PCNX1: variants seen among roughly 807,000 people sequenced by gnomAD.
PCNX1 encodes the protein pecanex 1.
PCNX1 carries 78 observed loss-of-function variants against 242.2 expected under a neutral mutation model. The ratio of observed to expected loss-of-function variants is 0.32; its 90% CI spans 0.27 to 0.39. The LOEUF is 0.39. Among genes scored for constraint, PCNX1 ranks in the 10% least tolerant of loss-of-function variants. The pLI is 1.00. For synonymous variants in PCNX1, 1,024 were observed against 1,032.9 expected (o/e 0.99, Z 0.17); for missense variants, 2,581 against 2,856.5 (o/e 0.90, Z 2.20).
chr14:71,005,721 T>C lies in PCNX1; in HGVS notation c.2630-3913T>C, dbSNP rs183612755. Among the ~76,000 whole-genome samples, 545 of 152,324 alleles carry C rather than the reference T, an allele frequency of 3.6e-3. 8 individuals carry two copies. The highest frequency in any genetic ancestry group is 5.0e-3 in the Non-Finnish European group (342 of 68,026). On this transcript the variant is annotated intron_variant, in intron 8 of 35. Transcript: ENST00000304743. The stretch of plus-strand genomic sequence containing the variant: ...TGCACCATTCATGGCTCTAGGCAAA[T>C]GCTTCAAGTATCCTTGGTGTTAAGT...
intron 8 of PCNX1, among the ~76,000 whole-genome samples, chr14:70,998,422 T>C (rs2059413414): frequency 6.6e-6 from 1 of 152,044 alleles, no homozygotes; most frequent in Non-Finnish European, 1.5e-5. Context: ...TCATGATTAA[T>C]TTTAGAATTT....
rs116622122 is a variant in PCNX1 at position 70,944,042 on chromosome 14, C to T, written c.154-2873C>T. 7.7e-3 allele frequency among the ~76,000 whole-genome samples: 1,179 copies of T among 152,286 alleles called. 8 individuals carry two copies. The highest frequency in any genetic ancestry group is 0.017 in the South Asian group (82 of 4,820). ...CAGAAGTCTGCTGCAGTGGTGGAGC[C>T]CTTATGGAAAACATCTGCTAGGGCA... is the stretch of plus-strand genomic sequence containing the variant. On this transcript the variant is annotated intron_variant, in intron 1 of 35. Transcript: ENST00000304743.
intron 19 of PCNX1, among the ~76,000 whole-genome samples, chr14:71,042,607 TAAA>T (rs553114288): frequency 6.7e-6 from 1 of 148,904 alleles, no homozygotes; most frequent in African/African-American, 2.5e-5. Flanking sequence ...TGGCTGTTTT[TAAA>T]AAAAAAAAAA....
intron 4 of PCNX1, 48 bp from the exon 5 acceptor site, chr14:70,968,973 G>A: frequency 9.5e-7 from 1 of 1,052,528 alleles, no homozygotes; most frequent in Non-Finnish European, 1.5e-6. Flanking sequence ...CCACCCTACA[G>A]CCTTACTGTT....
chr14:70,946,866 C>T (rs769239313), intron 1 of PCNX1, 49 bp from the exon 2 acceptor site: 76 of 1,193,116 alleles, frequency 6.4e-5, no homozygotes, highest in East Asian at 1.0e-4. Context: ...TAATTGAATA[C>T]GATATAAAAT....
intron 2 of PCNX1, among the ~76,000 whole-genome samples, chr14:70,954,918 T>TG (rs774770620): frequency 6.6e-6 from 1 of 152,332 alleles, no homozygotes; most frequent in Non-Finnish European, 1.5e-5. Context: ...CTCACACTTG[T>TG]GAATCTCATG....
intron 1 of PCNX1, among the ~76,000 whole-genome samples, chr14:70,935,760 T>C (rs572809523): frequency 6.6e-6 from 1 of 152,310 alleles, no homozygotes; most frequent in South Asian, 2.1e-4. Context: ...CATTTGAAAA[T>C]GGAATTGGCA....
chr14:70,972,920 C>T (rs1228796280), intron 5 of PCNX1, among the ~76,000 whole-genome samples: 1 of 151,984 alleles, frequency 6.6e-6, no homozygotes, highest in African/African-American at 2.4e-5. Flanking sequence ...GGATAGAAAA[C>T]TGGATAAGAT....
chr14:70,923,069 C>A (rs1594901876), intron 1 of PCNX1, among the ~76,000 whole-genome samples: 1 of 150,470 alleles, frequency 6.6e-6, no homozygotes, highest in Admixed American at 6.7e-5. Context: ...ATCATGAATT[C>A]TTTGAGTATC....
intron 30 of PCNX1, among the ~76,000 whole-genome samples, chr14:71,091,848 C>G (rs2062141659): frequency 6.6e-6 from 1 of 152,178 alleles, no homozygotes; most frequent in Non-Finnish European, 1.5e-5. Flanking sequence ...GTTGCTATTG[C>G]AGTGAGCTCA....
chr14:70,970,367 C>T (rs1025577850), intron 5 of PCNX1, among the ~76,000 whole-genome samples: 1 of 152,054 alleles, frequency 6.6e-6, no homozygotes, highest in African/African-American at 2.4e-5. Context: ...CCCTTTCTCT[C>T]TCTCTCAGTC....
At position 70,976,968 on chromosome 14, in the gene PCNX1, C is replaced by G. The variant is rs751059581; in HGVS notation, c.631C>G (p.Arg211Gly). The stretch of plus-strand genomic sequence containing the variant: ...TTTGGCAGCTGATCGGAAGCTCTTT[C>G]GTCTTGTCTCCAATGACTCCTTCAT... ...QDLAADRKLF[R>G]LVSNDSFISI... The change falls in exon 6 of 36, where the codon CGT becomes GGT. Residue 211 changes from arginine to glycine, a missense_variant. By Grantham distance (125) the Arg-to-Gly change is moderately radical. Coordinates refer to ENST00000304743, the MANE Select transcript of PCNX1 (RefSeq NM_014982.3). The G allele has an allele frequency of 1.2e-6, 2 of 1,612,940 alleles. No individual in the cohort carries two copies. Among genetic ancestry groups the G allele is most frequent in the Non-Finnish European group, 1.7e-6 (2 of 1,179,196 alleles).
At position 70,947,126 on chromosome 14, in the gene PCNX1, A is replaced by G; in HGVS notation, c.362+3A>G. On this transcript the variant is annotated splice_donor_region_variant and intron_variant, in intron 2 of 35. Coordinates refer to ENST00000304743, the MANE Select transcript of PCNX1 (RefSeq NM_014982.3). ...AGAAAAGACAGCAATGGACCGAGGT[A>G]AGGAAACCTATGTCATTGATTGATC... is the stretch of plus-strand genomic sequence containing the variant. The G allele has an allele frequency of 6.3e-7, 1 of 1,591,712 alleles. No individual in the cohort carries two copies. Among genetic ancestry groups the G allele is most frequent in the Non-Finnish European group, 8.6e-7 (1 of 1,163,030 alleles).
chr14:71,071,207 A>G (rs1431737892), intron 26 of PCNX1, among the ~76,000 whole-genome samples: 1 of 152,206 alleles, frequency 6.6e-6, no homozygotes, highest in African/African-American at 2.4e-5. Context: ...AGTTGGTTTG[A>G]TCTTCTCTCC....
chr14:71,036,906 C>T (rs902801403), intron 19 of PCNX1, among the ~76,000 whole-genome samples: 2 of 152,156 alleles, frequency 1.3e-5, no homozygotes, highest in African/African-American at 2.4e-5. Flanking sequence ...GATATTTATT[C>T]TTCCTACCCA....
Position 71,101,668 on chromosome 14 carries a change from A to G in PCNX1, c.5590-322A>G, listed in dbSNP as rs141661784. The stretch of plus-strand genomic sequence containing the variant: ...TTACCTAATAGTGACGTAATCCTTC[A>G]ACAGAAAAAAAAACATGAATAAAGA... On this transcript the variant is annotated intron_variant, in intron 30 of 35. Transcript: ENST00000304743. 8.9e-3 allele frequency among the ~76,000 whole-genome samples: 1,353 copies of G among 152,306 alleles called. 9 individuals are homozygous for G. The highest frequency in any genetic ancestry group is 0.017 in the South Asian group (82 of 4,824).
At chr14:71,059,333 T>C (rs892334080) in intron 26 of PCNX1, among the ~76,000 whole-genome samples, 3 of 152,104 alleles carry the variant, frequency 2.0e-5, no homozygotes, top group African/African-American at 7.2e-5. Context: ...CTCTTTGAAC[T>C]CCTATAGATT....
rs758086580 is a variant in PCNX1 at position 70,962,219 on chromosome 14, T to A, written c.363-7T>A. 1.8e-5 allele frequency: 28 copies of A among 1,550,762 alleles called. No individual in the cohort carries two copies. Among genetic ancestry groups the A allele is most frequent in the Non-Finnish European group, 2.5e-5 (28 of 1,122,432 alleles). Reference sequence around the variant, plus strand: ...AGTTACTCTTTTTCTCATTTTTTTCTCCACAGTGATCCTGGTGGAGGGATT... The same window carrying A: ...AGTTACTCTTTTTCTCATTTTTTTCACCACAGTGATCCTGGTGGAGGGATT... On this transcript the variant is annotated splice_region_variant and splice_polypyrimidine_tract_variant and intron_variant, in intron 2 of 35. Coordinates refer to ENST00000304743, the MANE Select transcript of PCNX1 (RefSeq NM_014982.3).
intron 26 of PCNX1, among the ~76,000 whole-genome samples, chr14:71,063,235 ATTC>A (rs1239527709): frequency 1.8e-3 from 269 of 152,328 alleles, no homozygotes; most frequent in Non-Finnish European, 1.6e-3. Context: ...AGCCATACAC[ATTC>A]TCTGTTGCAT....
Sources: allele counts gnomAD v4.1 joint callset (sites outside exome capture counted in the v4.1 genomes callset), GRCh38; gene constraint gnomAD v4.1.1; transcripts MANE v1.5; gene names NCBI Gene and HGNC (gene_info 2026-07-23, HGNC 2026-07-21).